USP34: variants seen among roughly 807,000 people sequenced by gnomAD.
USP34 encodes ubiquitin carboxyl-terminal hydrolase 34.
Under a neutral mutation model 460.3 loss-of-function variants are expected in USP34, and 70 were observed. The observed-to-expected ratio is 0.15, with a 90% CI of 0.13 to 0.19. USP34 has a LOEUF of 0.19. USP34 is among the 10% of genes least tolerant of loss of function. The pLI is 1.00. For synonymous variants in USP34, 1,647 were observed against 1,405.3 expected, an observed-to-expected ratio of 1.17 and a Z score of -3.85; for missense variants, 3,985 against 4,236.2, an observed-to-expected ratio of 0.94 and a Z score of 1.65.
chr2:61,356,475 G>GCGCACA (rs369666693), intron 10 of USP34, among the ~76,000 whole-genome samples: 6 of 128,332 alleles, frequency 4.7e-5, no homozygotes, highest in African/African-American at 1.3e-4. Flanking sequence ...GGGTGAAAGC[G>GCGCACA]CACACACACA....
chr2:61,356,173 T>C (rs935859014), intron 10 of USP34, among the ~76,000 whole-genome samples: 3 of 127,218 alleles, frequency 2.4e-5, no homozygotes, highest in Non-Finnish European at 5.2e-5. Flanking sequence ...AACAGATGAA[T>C]GAATTTAAAA....
At chr2:61,206,263 T>A (rs1270873770) in intron 71 of USP34, 139 bp from the exon 72 acceptor site, 4 of 673,366 alleles carry the variant, frequency 5.9e-6, no homozygotes. Flanking sequence ...GCTAAGTCAT[T>A]TTCATGAGAT....
At chr2:61,435,329 A>AAAAAAAAAAAAAT (rs1694782991) in intron 1 of USP34, among the ~76,000 whole-genome samples, 1 of 147,038 alleles carries the variant, frequency 6.8e-6, no homozygotes, top group Non-Finnish European at 1.5e-5. Flanking sequence ...AAAAAAAAAA[A>AAAAAAAAAAAAAT]GAACTCTAAA....
chr2:61,349,376 C>A, intron 12 of USP34, 91 bp from the exon 13 acceptor site: 1 of 1,372,876 alleles, frequency 7.3e-7, no homozygotes, highest in Non-Finnish European at 1.0e-6. Flanking sequence ...ACATAATCAA[C>A]AAGATGTAAG....
chr2:61,284,593 G>A (rs1445147245), intron 35 of USP34, among the ~76,000 whole-genome samples: 1 of 152,046 alleles, frequency 6.6e-6, no homozygotes, highest in Non-Finnish European at 1.5e-5. Flanking sequence ...CTTGGTCTTA[G>A]GAGATACACA....
intron 5 of USP34, 148 bp from the exon 6 acceptor site, chr2:61,383,484 C>CCGAA (rs1693038676): frequency 1.6e-5 from 8 of 489,256 alleles, no homozygotes; most frequent in Non-Finnish European, 2.9e-5. Context: ...GTGGGCAGAT[C>CCGAA]CGAAGGTCAG....
chr2:61,218,392 T>C (rs1047574902), intron 67 of USP34, among the ~76,000 whole-genome samples: 11 of 151,700 alleles, frequency 7.3e-5, no homozygotes, highest in Admixed American at 7.2e-4. Flanking sequence ...GAAAGGTGCT[T>C]CTCACAAATA....
At chr2:61,390,618 G>C (rs953297823) in intron 5 of USP34, among the ~76,000 whole-genome samples, 21 of 152,194 alleles carry the variant, frequency 1.4e-4, no homozygotes, top group Non-Finnish European at 1.5e-5. Context: ...AACTGCTGAA[G>C]TTCTAGTTAA....
intron 5 of USP34, among the ~76,000 whole-genome samples, chr2:61,386,136 A>G (rs1693137763): frequency 6.6e-6 from 1 of 152,168 alleles, no homozygotes; most frequent in South Asian, 2.1e-4. Flanking sequence ...ATACTATGCC[A>G]AAGAGCCCAA....
chr2:61,455,236 T>C (rs1047992932), intron 1 of USP34, among the ~76,000 whole-genome samples: 1 of 152,004 alleles, frequency 6.6e-6, no homozygotes, highest in African/African-American at 2.4e-5. Context: ...TGGAGTGCAG[T>C]GGTACGATCT....
In USP34 at chr2:61,405,933, T is replaced by C; in HGVS notation, c.327A>G (p.Arg109=). The C allele has an allele frequency of 1.2e-6, 2 of 1,613,832 alleles. No homozygotes were observed. The highest frequency in any genetic ancestry group is 1.7e-6 in the Non-Finnish European group (2 of 1,179,974). Residue 109 remains arginine, a synonymous_variant, in exon 3 of 80, where the codon AGA becomes AGG. Coordinates refer to ENST00000398571, the MANE Select transcript of USP34 (RefSeq NM_014709.4). ...NQAEEPLNID[R]ECNEGSTERQ... is the part of the protein sequence containing the mutation. ...TTTCTGTACTTCCTTCATTACACTC[T>C]CTATCTATATTCAGTGGTTCTTCTG...
chr2:61,364,662 C>T (rs1006954944), intron 10 of USP34, among the ~76,000 whole-genome samples: 1 of 152,160 alleles, frequency 6.6e-6, no homozygotes, highest in Non-Finnish European at 1.5e-5. Context: ...GGAGCAGTGG[C>T]TCATGTCTAT....
At chr2:61,278,821 GTTT>G (rs542134096) in intron 39 of USP34, among the ~76,000 whole-genome samples, 22 of 151,466 alleles carry the variant, frequency 1.5e-4, no homozygotes, top group Non-Finnish European at 2.5e-4. Context: ...AGACACTGAA[GTTT>G]TTTTTAATGA....
intron 10 of USP34, among the ~76,000 whole-genome samples, chr2:61,368,654 C>CA (rs1429130847): frequency 6.6e-6 from 1 of 151,828 alleles, no homozygotes; most frequent in Non-Finnish European, 1.5e-5. Flanking sequence ...AATTGCACAA[C>CA]AAAAAAGGGA....
intron 3 of USP34, among the ~76,000 whole-genome samples, chr2:61,401,540 A>ATTT (rs1156550372): frequency 2.7e-4 from 17 of 62,438 alleles, no homozygotes; most frequent in Non-Finnish European, 3.1e-4. Context: ...ACCTGGCCCT[A>ATTT]TTTTTTTTTT....
At chr2:61,264,174 CAG>C in intron 43 of USP34, among the ~76,000 whole-genome samples, 1 of 152,216 alleles carries the variant, frequency 6.6e-6, no homozygotes, top group East Asian at 1.9e-4. Context: ...TCATAATGTA[CAG>C]AGATAAATTT....
chr2:61,254,388 A>T (rs1688665310), intron 48 of USP34, among the ~76,000 whole-genome samples: 1 of 152,242 alleles, frequency 6.6e-6, no homozygotes, highest in Non-Finnish European at 1.5e-5. Flanking sequence ...AATCACACAG[A>T]TAAACCTAAA....
At chr2:61,354,081 A>G (rs1037135586) in intron 10 of USP34, among the ~76,000 whole-genome samples, 2 of 152,198 alleles carry the variant, frequency 1.3e-5, no homozygotes, top group East Asian at 3.8e-4. Flanking sequence ...AGAAAAATGG[A>G]AAGACAGAAT....
chr2:61,251,067 G>A (rs979195730), intron 48 of USP34, among the ~76,000 whole-genome samples: 1 of 152,194 alleles, frequency 6.6e-6, no homozygotes, highest in Non-Finnish European at 1.5e-5. Context: ...GGACCCGGGA[G>A]GCGGAGCTGG....
Sources: allele counts gnomAD v4.1 joint callset (sites outside exome capture counted in the v4.1 genomes callset), GRCh38; gene constraint gnomAD v4.1.1; transcripts MANE v1.5; gene names NCBI Gene and HGNC (gene_info 2026-07-23, HGNC 2026-07-21).